Variants in TSPAN18 observed in about 807,000 individuals in gnomAD.
The protein encoded by TSPAN18 is tetraspanin-18.
Under a neutral mutation model 27.3 loss-of-function variants are expected in TSPAN18, and 14 were observed. The observed-to-expected ratio is 0.51, with a 90% CI of 0.34 to 0.80. TSPAN18 has a LOEUF of 0.80. Ranked by LOEUF, TSPAN18 falls within the 30% of genes least tolerant of loss-of-function variation. The pLI, the probability that TSPAN18 is intolerant of heterozygous loss-of-function variation, is 0.01. For missense variants in TSPAN18, 268 were observed against 323.9 expected (o/e 0.83, Z 1.32); for synonymous variants, 143 against 136.5 (o/e 1.05, Z -0.33).
At chr11:44,832,408 C>T (rs1022212175) in intron 2 of TSPAN18, among the ~76,000 whole-genome samples, 3 of 140,524 alleles carry the variant, frequency 2.1e-5, no homozygotes, top group African/African-American at 3.3e-5. Context: ...TCAACTCCCC[C>T]TCTTTTTCCT....
intron 2 of TSPAN18, among the ~76,000 whole-genome samples, chr11:44,790,176 T>C (rs562003198): frequency 6.6e-6 from 1 of 151,636 alleles, no homozygotes; most frequent in East Asian, 1.9e-4. Flanking sequence ...CATGTGTGTG[T>C]GTGCGCATAT....
intron 1 of TSPAN18, among the ~76,000 whole-genome samples, chr11:44,737,240 C>T (rs1854818772): frequency 6.6e-6 from 1 of 152,204 alleles, no homozygotes; most frequent in Non-Finnish European, 1.5e-5. Context: ...TCAGGGCATC[C>T]AGGACAGAAA....
At chr11:44,918,133 G>A (rs1859982175) in intron 6 of TSPAN18, 87 bp downstream of exon 6, 6 of 1,370,036 alleles carry the variant, frequency 4.4e-6, no homozygotes, top group Non-Finnish European at 6.1e-6. Flanking sequence ...CCTCCTTGAA[G>A]GGTCTCAGAG....
chr11:44,728,124 TCCCGCCCCGAGGAG>T (rs1854563396), intron 1 of TSPAN18, among the ~76,000 whole-genome samples: 1 of 150,110 alleles, frequency 6.7e-6, no homozygotes, highest in Non-Finnish European at 1.5e-5. Flanking sequence ...TTACGCGGGG[TCCCGCCCCGAGGAG>T]CCCGCCCTAC....
intron 1 of TSPAN18, among the ~76,000 whole-genome samples, chr11:44,762,899 T>G (rs574557692): frequency 3.2e-4 from 48 of 152,300 alleles, no homozygotes; most frequent in African/African-American, 1.2e-3. Context: ...ATCACCTTCC[T>G]GCTTACATCC....
At chr11:44,790,107 G>A (rs1414885122) in intron 2 of TSPAN18, among the ~76,000 whole-genome samples, 1 of 152,188 alleles carries the variant, frequency 6.6e-6, no homozygotes, top group African/African-American at 2.4e-5. Context: ...TTCACTGCTG[G>A]GCTCTAAGGG....
chr11:44,894,795 C>T (rs141151254), intron 3 of TSPAN18, among the ~76,000 whole-genome samples: 94 of 152,344 alleles, frequency 6.2e-4, no homozygotes, highest in Non-Finnish European at 2.8e-4. Flanking sequence ...CTCTGTGCCT[C>T]GCTGCCTGGT....
At chr11:44,829,063 A>G (rs1049899173) in intron 2 of TSPAN18, among the ~76,000 whole-genome samples, 2 of 152,210 alleles carry the variant, frequency 1.3e-5, no homozygotes, top group East Asian at 1.9e-4. Flanking sequence ...TAGGTTTACA[A>G]ACAATTCGAA....
At chr11:44,767,169 C>T (rs1329011023) in intron 2 of TSPAN18, among the ~76,000 whole-genome samples, 1 of 152,178 alleles carries the variant, frequency 6.6e-6, no homozygotes, top group African/African-American at 2.4e-5. Context: ...TGTCAGCTCC[C>T]TGTCCTGATG....
rs1554938151 is a variant in TSPAN18, at chr11:44,908,821, A to AAGAAAGAAAG, written c.64-875_64-874insGAGAAAGAAA. On this transcript the variant is annotated intron_variant, in intron 4 of 9. Coordinates refer to ENST00000520358, the MANE Select transcript of TSPAN18 (RefSeq NM_130783.5). ...AAAGAAAGAAAGAAAGAAAGAAAGA[A>AAGAAAGAAAG]AGAAAGAAAAAGAAAAATGGAGCAG... Among the ~76,000 whole-genome samples the AAGAAAGAAAG allele has an allele frequency of 4.4e-5, 5 of 114,308 alleles. 1 individual carries two copies. Among genetic ancestry groups the AAGAAAGAAAG allele is most frequent in the Non-Finnish European group, 9.2e-5 (5 of 54,266 alleles). 75.0% of individuals were successfully genotyped at this position (114,308 alleles called of 152,430 possible).
At chr11:44,797,934 G>C (rs12797677) in intron 2 of TSPAN18, among the ~76,000 whole-genome samples, 65,755 of 152,074 alleles carry the variant, frequency 0.43, 15,425 homozygotes, top group Non-Finnish European at 0.52. Flanking sequence ...AGAGAGTCAA[G>C]ACGCTTGTTG....
At chr11:44,733,982 G>A (rs1336827077) in intron 1 of TSPAN18, among the ~76,000 whole-genome samples, 6 of 152,102 alleles carry the variant, frequency 3.9e-5, no homozygotes, top group Non-Finnish European at 5.9e-5. Flanking sequence ...TCATGGGGGC[G>A]GATCCCTCAT....
intron 2 of TSPAN18, among the ~76,000 whole-genome samples, chr11:44,823,904 C>A (rs1257664405): frequency 6.6e-6 from 1 of 152,120 alleles, no homozygotes; most frequent in East Asian, 1.9e-4. Context: ...AGAGGCCCCC[C>A]TCTCGGAACT....
At chr11:44,895,282 C>T (rs1859001700) in intron 3 of TSPAN18, among the ~76,000 whole-genome samples, 1 of 152,194 alleles carries the variant, frequency 6.6e-6, no homozygotes, top group Admixed American at 6.5e-5. Flanking sequence ...GCTGGGCATC[C>T]ACTTATTTCC....
chr11:44,747,940 C>G (rs1172108541), intron 1 of TSPAN18, among the ~76,000 whole-genome samples: 2 of 152,242 alleles, frequency 1.3e-5, no homozygotes, highest in African/African-American at 2.4e-5. Flanking sequence ...CTCATCCCCC[C>G]AGTTCCCTCC....
intron 8 of TSPAN18, 126 bp downstream of exon 8, chr11:44,920,125 C>G: frequency 1.0e-6 from 1 of 995,878 alleles, no homozygotes. Context: ...AAGTGTTGGC[C>G]ATGATATGGG....
chr11:44,737,401 C>T (rs142973609), intron 1 of TSPAN18, among the ~76,000 whole-genome samples: 2 of 152,274 alleles, frequency 1.3e-5, no homozygotes, highest in East Asian at 3.9e-4. Context: ...TCCCATGACG[C>T]AGCCACCAGA....
intron 3 of TSPAN18, among the ~76,000 whole-genome samples, chr11:44,883,450 G>T (rs139655130): frequency 6.6e-6 from 1 of 152,196 alleles, no homozygotes; most frequent in Non-Finnish European, 1.5e-5. Context: ...CTTCTTTTCC[G>T]TGTTTCATGC....
chr11:44,849,504 C>T (rs749143335), intron 2 of TSPAN18, among the ~76,000 whole-genome samples: 5 of 152,170 alleles, frequency 3.3e-5, no homozygotes, highest in Non-Finnish European at 5.9e-5. Context: ...TGTTATAGCC[C>T]CATGTCAGCC....
Sources: allele counts gnomAD v4.1 joint callset (sites outside exome capture counted in the v4.1 genomes callset), GRCh38; gene constraint gnomAD v4.1.1; transcripts MANE v1.5; gene names NCBI Gene and HGNC (gene_info 2026-07-23, HGNC 2026-07-21).